ARB2A: variants seen among roughly 807,000 people sequenced by gnomAD.
ARB2A encodes the protein cotranscriptional regulator ARB2A.
chr5:93,856,627 C>A, the ARB2A span, among the ~76,000 whole-genome samples: 1 of 152,318 alleles, frequency 6.6e-6, no homozygotes, highest in South Asian at 2.1e-4. Flanking sequence ...TGGCTTTCAG[C>A]TCCATCAGCT....
chr5:93,688,658 T>C, the ARB2A span, among the ~76,000 whole-genome samples: 1 of 152,190 alleles, frequency 6.6e-6, no homozygotes, highest in Non-Finnish European at 1.5e-5. Flanking sequence ...TGTCCATTTC[T>C]ACTTGGAGGT....
At chr5:93,698,739 A>C in the ARB2A span, among the ~76,000 whole-genome samples, 1 of 152,232 alleles carries the variant, frequency 6.6e-6, no homozygotes, top group Non-Finnish European at 1.5e-5. Flanking sequence ...TTTAACATTC[A>C]TCCAATAAAT....
chr5:93,678,775 A>G, the ARB2A span, among the ~76,000 whole-genome samples: 6,492 of 152,132 alleles, frequency 0.043, 422 homozygotes, highest in African/African-American at 0.15. Context: ...AAAGCAATAT[A>G]ACTGAGGTTT....
At chr5:93,831,459 T>C in the ARB2A span, among the ~76,000 whole-genome samples, 10,926 of 152,174 alleles carry the variant, frequency 0.072, 517 homozygotes, top group African/African-American at 0.14. Context: ...TACACATTAA[T>C]AGTCTGAAAG....
chr5:94,086,375 A>C, the ARB2A span, among the ~76,000 whole-genome samples: 1 of 152,308 alleles, frequency 6.6e-6, no homozygotes, highest in South Asian at 2.1e-4. Context: ...AATTCCTACC[A>C]CCTAGTGACA....
the ARB2A span, among the ~76,000 whole-genome samples, chr5:93,947,644 C>A: frequency 2.1e-5 from 3 of 145,694 alleles, no homozygotes; most frequent in Admixed American, 2.0e-4. Context: ...TTAGGTATAT[C>A]TCCTAATGCT....
the ARB2A span, among the ~76,000 whole-genome samples, chr5:93,676,057 T>C: frequency 6.6e-6 from 1 of 152,202 alleles, no homozygotes; most frequent in Admixed American, 6.5e-5. Flanking sequence ...TCTGTACTGA[T>C]TAAACAGGAA....
At chr5:94,012,445 G>A in the ARB2A span, among the ~76,000 whole-genome samples, 37 of 152,132 alleles carry the variant, frequency 2.4e-4, no homozygotes, top group Non-Finnish European at 3.8e-4. Flanking sequence ...TAAAATTAGC[G>A]ATTGTGACAG....
the ARB2A span, among the ~76,000 whole-genome samples, chr5:93,749,414 G>A: frequency 6.6e-6 from 1 of 152,266 alleles, no homozygotes; most frequent in South Asian, 2.1e-4. Context: ...TTTGAATCTT[G>A]TTGTCTGGGG....
At chr5:93,932,596 A>C in the ARB2A span, among the ~76,000 whole-genome samples, 1 of 152,232 alleles carries the variant, frequency 6.6e-6, no homozygotes, top group South Asian at 2.1e-4. Flanking sequence ...TATACTAATA[A>C]AGTTGAATTT....
the ARB2A span, among the ~76,000 whole-genome samples, chr5:94,026,257 G>A: frequency 6.6e-6 from 1 of 152,080 alleles, no homozygotes; most frequent in Non-Finnish European, 1.5e-5. Context: ...TGGCCCTGCT[G>A]CTTCCCGTCG....
At chr5:94,060,448 T>C in the ARB2A span, among the ~76,000 whole-genome samples, 4 of 152,078 alleles carry the variant, frequency 2.6e-5, no homozygotes, top group African/African-American at 7.2e-5. Flanking sequence ...AACCACAAAC[T>C]ACTAAAACTC....
At chr5:93,745,837 A>G in the ARB2A span, among the ~76,000 whole-genome samples, 2 of 152,012 alleles carry the variant, frequency 1.3e-5, no homozygotes, top group African/African-American at 4.8e-5. Context: ...CTGACCAGGC[A>G]TTCTGGTGTA....
At chr5:93,801,019 T>G in the ARB2A span, among the ~76,000 whole-genome samples, 5 of 152,144 alleles carry the variant, frequency 3.3e-5, no homozygotes, top group Non-Finnish European at 7.4e-5. Flanking sequence ...AGGTACAAAT[T>G]GTTGCTATTT....
chr5:93,716,979 T>C, the ARB2A span, among the ~76,000 whole-genome samples: 1 of 151,204 alleles, frequency 6.6e-6, no homozygotes. Flanking sequence ...CAGAGGCATA[T>C]TTTTTTTTCT....
chr5:93,931,575 C>T, the ARB2A span, among the ~76,000 whole-genome samples: 1 of 152,148 alleles, frequency 6.6e-6, no homozygotes, highest in African/African-American at 2.4e-5. Flanking sequence ...ATACTAATTG[C>T]CATGTTCCCA....
chr5:93,708,406 A>C, the ARB2A span, among the ~76,000 whole-genome samples: 1 of 152,134 alleles, frequency 6.6e-6, no homozygotes, highest in Non-Finnish European at 1.5e-5. Flanking sequence ...AGCAGTCCCC[A>C]ACCTTTTTGG....
chr5:93,772,474 A>T, the ARB2A span, among the ~76,000 whole-genome samples: 40 of 152,260 alleles, frequency 2.6e-4, no homozygotes, highest in Non-Finnish European at 4.4e-4. Flanking sequence ...AAATAAAAAA[A>T]TTTAAAAAAA....
At chr5:93,766,451 C>T in the ARB2A span, among the ~76,000 whole-genome samples, 2 of 152,180 alleles carry the variant, frequency 1.3e-5, no homozygotes, top group Admixed American at 1.3e-4. Context: ...CTCATCATCA[C>T]TGGCCATCAG....
Sources: allele counts gnomAD v4.1 joint callset (sites outside exome capture counted in the v4.1 genomes callset), GRCh38; gene constraint gnomAD v4.1.1; transcripts MANE v1.5; gene names NCBI Gene and HGNC (gene_info 2026-07-23, HGNC 2026-07-21).